STXBP5L: variants seen among roughly 807,000 people sequenced by gnomAD.
The protein encoded by STXBP5L is syntaxin-binding protein 5-like.
STXBP5L carries 65 observed loss-of-function variants against 144.5 expected under a neutral mutation model. The observed-to-expected ratio is 0.45, with a 90% CI of 0.37 to 0.55. The LOEUF is 0.55. Among genes scored for constraint, STXBP5L ranks in the 20% least tolerant of loss-of-function variants. STXBP5L has a pLI of 0.00. For synonymous variants in STXBP5L, 505 were observed against 469.6 expected (o/e 1.08, Z -0.97); for missense variants, 1,298 against 1,405.5 (o/e 0.92, Z 1.22).
intron 18 of STXBP5L, among the ~76,000 whole-genome samples, chr3:121,279,364 C>G (rs1313285605): frequency 1.3e-5 from 2 of 151,834 alleles, no homozygotes; most frequent in African/African-American, 2.4e-5. Context: ...ATTTTTCTCT[C>G]TTTCAGAAGA....
At position 120,990,403 on chromosome 3, in the gene STXBP5L, A is replaced by G. The variant is rs374062649; in HGVS notation, c.287+35366A>G. ...CTGCCCAAGGTAATTTATAGATTCA[A>G]TGCCATCCCCATCAAGCTACCAATG... On this transcript the variant is annotated intron_variant, in intron 3 of 26. Coordinates refer to ENST00000471454, the MANE Select transcript of STXBP5L (RefSeq NM_001308330.2). Among the ~76,000 whole-genome samples, 478 of 152,284 alleles carry G rather than the reference A, an allele frequency of 3.1e-3. 6 individuals are homozygous for G. The highest frequency in any genetic ancestry group is 9.8e-3 in the African/African-American group (408 of 41,562).
chr3:121,281,472 G>A (rs549706354), intron 19 of STXBP5L, among the ~76,000 whole-genome samples: 109 of 152,074 alleles, frequency 7.2e-4, no homozygotes, highest in African/African-American at 2.6e-3. Context: ...GTGTTAGGGG[G>A]CAGTAGGCTA....
chr3:121,359,740 A>C (rs1370565356), intron 20 of STXBP5L, among the ~76,000 whole-genome samples: 1 of 151,970 alleles, frequency 6.6e-6, no homozygotes, highest in African/African-American at 2.4e-5. Flanking sequence ...CACCTTTGTC[A>C]AAAATGAGCT....
At chr3:120,995,135 G>C (rs989431496) in intron 3 of STXBP5L, among the ~76,000 whole-genome samples, 2 of 151,910 alleles carry the variant, frequency 1.3e-5, no homozygotes, top group African/African-American at 4.8e-5. Context: ...TTTTCTGCTT[G>C]TTTTCTCTTT....
At chr3:121,225,403 G>A (rs2049091539) in intron 11 of STXBP5L, among the ~76,000 whole-genome samples, 1 of 152,026 alleles carries the variant, frequency 6.6e-6, no homozygotes, top group Non-Finnish European at 1.5e-5. Context: ...CCATTTCTGA[G>A]GCCAGATCTC....
chr3:121,283,429 ACT>A (rs1194549519), intron 19 of STXBP5L, among the ~76,000 whole-genome samples: 1 of 151,490 alleles, frequency 6.6e-6, no homozygotes, highest in Non-Finnish European at 1.5e-5. Flanking sequence ...AATCCTTCCC[ACT>A]CTCTCTGTTC....
At chr3:121,281,278 G>A (rs2051049960) in intron 19 of STXBP5L, among the ~76,000 whole-genome samples, 1 of 151,870 alleles carries the variant, frequency 6.6e-6, no homozygotes, top group African/African-American at 2.4e-5. Context: ...TTTTAGTGAG[G>A]GATCTCAACT....
At chr3:121,091,891 G>C (rs972526200) in intron 5 of STXBP5L, among the ~76,000 whole-genome samples, 7 of 152,094 alleles carry the variant, frequency 4.6e-5, no homozygotes, top group African/African-American at 1.7e-4. Flanking sequence ...TTTTCTTCTA[G>C]GATCTTTATG....
intron 6 of STXBP5L, among the ~76,000 whole-genome samples, chr3:121,121,425 G>A (rs1454888599): frequency 2.0e-5 from 3 of 151,212 alleles, no homozygotes; most frequent in East Asian, 3.9e-4. Context: ...GTTTTAACCC[G>A]ATTTTTAAAG....
intron 20 of STXBP5L, among the ~76,000 whole-genome samples, chr3:121,349,413 G>A (rs918367277): frequency 1.4e-5 from 2 of 146,618 alleles, no homozygotes; most frequent in African/African-American, 2.6e-5. Context: ...GTGGTGTGGT[G>A]CTGAGAAGAA....
At chr3:121,168,041 G>C (rs1012777260) in intron 9 of STXBP5L, among the ~76,000 whole-genome samples, 1 of 151,998 alleles carries the variant, frequency 6.6e-6, no homozygotes, top group Non-Finnish European at 1.5e-5. Flanking sequence ...AGGCAAACAG[G>C]GTCTGGAGTG....
chr3:121,124,622 T>G (rs1473150987), intron 7 of STXBP5L, among the ~76,000 whole-genome samples: 1 of 152,102 alleles, frequency 6.6e-6, no homozygotes, highest in Non-Finnish European at 1.5e-5. Context: ...TATTGATTTT[T>G]TAATATTTTG....
At chr3:121,075,159 G>C (rs1050350347) in intron 5 of STXBP5L, among the ~76,000 whole-genome samples, 1 of 152,100 alleles carries the variant, frequency 6.6e-6, no homozygotes, top group East Asian at 1.9e-4. Flanking sequence ...CCCTTGACTG[G>C]TGGCAGGGGG....
At chr3:121,361,003 T>C (rs775508715) in intron 20 of STXBP5L, among the ~76,000 whole-genome samples, 3 of 152,118 alleles carry the variant, frequency 2.0e-5, no homozygotes, top group Non-Finnish European at 4.4e-5. Flanking sequence ...CCTCAGCTTT[T>C]GTTTGTCTAG....
chr3:121,270,515 C>T (rs1306789987), intron 18 of STXBP5L, among the ~76,000 whole-genome samples: 16 of 152,050 alleles, frequency 1.1e-4, no homozygotes, highest in South Asian at 6.2e-4. Context: ...TACAGTGGCA[C>T]GATCTCAGCT....
At chr3:121,039,126 A>C (rs1946965168) in intron 3 of STXBP5L, among the ~76,000 whole-genome samples, 1 of 151,922 alleles carries the variant, frequency 6.6e-6, no homozygotes, top group African/African-American at 2.4e-5. Flanking sequence ...CTGGGTATAA[A>C]TCTACCATCT....
intron 11 of STXBP5L, 94 bp downstream of exon 11, chr3:121,223,251 C>T: frequency 7.6e-7 from 1 of 1,307,956 alleles, no homozygotes; most frequent in East Asian, 2.4e-5. Context: ...CAGATGTCTA[C>T]TGTGGTATAA....
intron 22 of STXBP5L, among the ~76,000 whole-genome samples, chr3:121,405,232 G>A (rs1175817626): frequency 1.3e-5 from 2 of 152,112 alleles, no homozygotes; most frequent in African/African-American, 4.8e-5. Flanking sequence ...GAGGTTGGCA[G>A]GGGATGCAAA....
chr3:120,925,116 A>G (rs984394941), intron 2 of STXBP5L: 1 of 152,230 alleles, frequency 6.6e-6, no homozygotes, highest in African/African-American at 2.4e-5. Flanking sequence ...ATTCTTTTGT[A>G]TTTCCAGAAC....
Sources: allele counts gnomAD v4.1 joint callset (sites outside exome capture counted in the v4.1 genomes callset), GRCh38; gene constraint gnomAD v4.1.1; transcripts MANE v1.5; gene names NCBI Gene and HGNC (gene_info 2026-07-23, HGNC 2026-07-21).